Variants in LMTK3 observed in about 807,000 individuals in gnomAD.
LMTK3 encodes the protein lemur tail kinase 3.
LMTK3 carries 27 observed loss-of-function variants against 116.7 expected under a neutral mutation model. The ratio of observed to expected loss-of-function variants is 0.23; its 90% CI spans 0.17 to 0.32. LMTK3 has a LOEUF of 0.32. Ranked by LOEUF, LMTK3 falls within the 10% of genes least tolerant of loss-of-function variation. LMTK3 has a pLI of 1.00. For missense variants in LMTK3, 1,764 were observed against 2,068.5 expected (o/e 0.85, Z 2.86); for synonymous variants, 965 against 971.0 (o/e 0.99, Z 0.11).
chr19:48,489,370 C>T (rs1862688055), intron 14 of LMTK3, among the ~76,000 whole-genome samples: 2 of 152,132 alleles, frequency 1.3e-5, no homozygotes, highest in Non-Finnish European at 2.9e-5. Context: ...GTCTGGAGTT[C>T]AAGACCAGCC....
intron 6 of LMTK3, 63 bp downstream of exon 6, chr19:48,502,845 AG>A: frequency 1.6e-6 from 2 of 1,220,928 alleles, no homozygotes; most frequent in Non-Finnish European, 2.4e-6. Flanking sequence ...CAGGGGCACC[AG>A]GCTTGGCCCC....
intron 14 of LMTK3, among the ~76,000 whole-genome samples, chr19:48,489,371 A>G (rs1972180948): frequency 6.6e-6 from 1 of 152,156 alleles, no homozygotes; most frequent in Non-Finnish European, 1.5e-5. Context: ...TCTGGAGTTC[A>G]AGACCAGCCT....
intron 11 of LMTK3, among the ~76,000 whole-genome samples, chr19:48,496,173 GA>G (rs1972319050): frequency 6.6e-6 from 1 of 151,978 alleles, no homozygotes; most frequent in Admixed American, 6.6e-5. Flanking sequence ...GCAGTGACGT[GA>G]TCTCGGCTCA....
intron 14 of LMTK3, among the ~76,000 whole-genome samples, chr19:48,488,851 T>A (rs926386315): frequency 6.6e-6 from 1 of 151,996 alleles, no homozygotes; most frequent in African/African-American, 2.4e-5. Flanking sequence ...GCGATTCTCC[T>A]GCCTCACCCT....
chr19:48,513,267 G>T, upstream of LMTK3: 3 of 1,079,496 alleles, frequency 2.8e-6, no homozygotes, highest in Non-Finnish European at 2.8e-6. The surrounding 1 kb of genome is among the most constrained non-coding windows in gnomAD (Gnocchi z 5.6). Context: ...ATCGTCCGCA[G>T]CGTTTTACAC....
In LMTK3 at chr19:48,491,580, T is replaced by C; in HGVS notation, c.4093-41A>G. On this transcript the variant is annotated intron_variant, in intron 12 of 14. Coordinates refer to ENST00000600059, the MANE Select transcript of LMTK3 (RefSeq NM_001388485.1). The surrounding 1 kb of genome is among the most constrained non-coding windows in gnomAD (Gnocchi z 5.1). The stretch of plus-strand genomic sequence containing the variant: ...AGGGGGAAGCCAGAGGGGACAAACC[T>C]TCACGTCCCATTTACCGCATCCCCC... The C allele has an allele frequency of 7.7e-7, 1 of 1,306,984 alleles. No homozygotes were observed. The highest frequency in any genetic ancestry group is 9.8e-7 in the Non-Finnish European group (1 of 1,019,022). The allele number at this position is 1,306,984 out of a possible 1,614,324, so 81.0% of individuals were successfully genotyped here. A position where few individuals can be genotyped will look rare whatever the true frequency, so the allele number is the denominator to read the frequency against.
At position 48,498,652 on chromosome 19, in the gene LMTK3, G is replaced by A. The variant is rs930109289; in HGVS notation, c.2417C>T (p.Ala806Val). 21 of 1,541,558 alleles carry A rather than the reference G, an allele frequency of 1.4e-5. No homozygotes were observed. Among genetic ancestry groups the A allele is most frequent in the Non-Finnish European group, 1.6e-5 (18 of 1,144,850 alleles). The change falls in exon 11 of 15, where the codon GCC becomes GTC. Residue 806 changes from alanine (A) to valine (V), a missense_variant. Physicochemically the swap from Ala to Val is moderately conservative, Grantham distance 64. Coordinates refer to ENST00000600059, the MANE Select transcript of LMTK3 (RefSeq NM_001388485.1). The part of the protein sequence containing the change: ...ETETPFSPEG[A>V]FPGGGAAEEE... ...CTCGGCCGCCCCCCCACCTGGGAAG[G>A]CTCCCTCTGGGGAAAAAGGGGTCTC...
At chr19:48,507,751 C>G (rs1210075046) in intron 5 of LMTK3, among the ~76,000 whole-genome samples, 1 of 152,188 alleles carries the variant, frequency 6.6e-6, no homozygotes, top group Non-Finnish European at 1.5e-5. Flanking sequence ...GCCGGGACTA[C>G]ACGAGTATAC....
chr19:48,511,464 G>A (rs1472924125), intron 1 of LMTK3, 37 bp downstream of exon 1: 5 of 995,062 alleles, frequency 5.0e-6, no homozygotes. Context: ...CGCGGGGGTG[G>A]GGGCCACCGG....
intron 3 of LMTK3, 76 bp from the exon 4 acceptor site, chr19:48,509,589 G>A: frequency 8.1e-7 from 1 of 1,240,714 alleles, no homozygotes; most frequent in Non-Finnish European, 1.1e-6. Flanking sequence ...CAGGTCAGTG[G>A]GGACTGAGAC....
intron 5 of LMTK3, 80 bp downstream of exon 5, chr19:48,508,771 G>C (rs1307191265): frequency 9.2e-7 from 1 of 1,082,870 alleles, no homozygotes; most frequent in Non-Finnish European, 1.4e-6. Context: ...GTAGATTCCA[G>C]GTGTGACCCC....
Position 48,486,047 on chromosome 19 carries a change from C to CTTTT in LMTK3, c.4367-262_4367-259dup, listed in dbSNP as rs141193575. On this transcript the variant is annotated intron_variant, in intron 14 of 14. Transcript: ENST00000600059. ...GTTCCCGCTGCCTGGAACATTCTTC[C>CTTTT]TTTTTTTTTTTTTTTTTTTTTTTTT... Among the ~76,000 whole-genome samples, 57 of 59,798 alleles carry CTTTT rather than the reference C, an allele frequency of 9.5e-4. 1 individual carries two copies. The highest frequency in any genetic ancestry group is 1.6e-3 in the African/African-American group (21 of 13,042). 39.2% of individuals were successfully genotyped at this position (59,798 alleles called of 152,430 possible). A position where few individuals can be genotyped will look rare whatever the true frequency, so the allele number is the denominator to read the frequency against.
rs1370970920 is a variant in LMTK3 at position 48,485,799 on chromosome 19, G to A, written c.4367-10C>T. On this transcript the variant is annotated splice_polypyrimidine_tract_variant and intron_variant, in intron 14 of 14. Transcript: ENST00000600059. ...CAATTCTCCACGGGGCCTGAGGATGGACAGAGGAGACAGAGAAATGAAATT... is the reference window on the plus strand; with the variant it reads ...CAATTCTCCACGGGGCCTGAGGATGAACAGAGGAGACAGAGAAATGAAATT... 1.9e-6 allele frequency: 3 copies of A among 1,605,580 alleles called. No individual in the cohort carries two copies. The highest frequency in any genetic ancestry group is 2.2e-5 in the South Asian group (2 of 90,056).
intron 2 of LMTK3, 27 bp from the exon 3 acceptor site, chr19:48,510,200 T>TGG: frequency 6.2e-7 from 1 of 1,602,504 alleles, no homozygotes; most frequent in Non-Finnish European, 8.5e-7. Flanking sequence ...AGAAGAGGGG[T>TGG]GGGAGAACGC....
In LMTK3 at chr19:48,491,260, A is replaced by G. The variant is rs1045963566; in HGVS notation, c.4229-15T>C. The G allele has an allele frequency of 1.4e-6, 2 of 1,395,060 alleles. No individual in the cohort carries two copies. The highest frequency in any genetic ancestry group is 3.5e-5 in the Admixed American group (1 of 28,722). The allele number at this position is 1,395,060 out of a possible 1,614,324, so 86.4% of individuals were successfully genotyped here. A position where few individuals can be genotyped will look rare whatever the true frequency, so the allele number is the denominator to read the frequency against. On this transcript the variant is annotated splice_polypyrimidine_tract_variant and intron_variant, in intron 13 of 14. Coordinates refer to ENST00000600059, the MANE Select transcript of LMTK3 (RefSeq NM_001388485.1). This position sits in a 1 kb window ranked among gnomAD's most constrained non-coding sequence, Gnocchi z 5.1. ...GAAACTGCCTCCTGCGGCAGAAGGA[A>G]AGACCGCGGTCAGGCTGCAGACACC... is the stretch of plus-strand genomic sequence containing the variant.
In LMTK3 at chr19:48,511,601, GA is replaced by G; in HGVS notation, c.-26del. 4 of 1,215,890 alleles carry G rather than the reference GA, an allele frequency of 3.3e-6. No individual in the cohort carries two copies. Among genetic ancestry groups the G allele is most frequent in the Non-Finnish European group, 4.4e-6 (4 of 906,946 alleles). The allele number at this position is 1,215,890 out of a possible 1,614,324, so 75.3% of individuals were successfully genotyped here. On this transcript the variant is annotated 5_prime_UTR_variant, in exon 1 of 15. Transcript: ENST00000600059. ...TCTTGTCGAGGATGGCAGGGAGGTGGAGGTGGTGGCGGCTGGGGAGGAGGGG... is the reference window on the plus strand; with the variant it reads ...TCTTGTCGAGGATGGCAGGGAGGTGGGGTGGTGGCGGCTGGGGAGGAGGGG...
intron 14 of LMTK3, among the ~76,000 whole-genome samples, chr19:48,487,612 C>T (rs1972147737): frequency 6.6e-6 from 1 of 152,162 alleles, no homozygotes; most frequent in Non-Finnish European, 1.5e-5. Context: ...GTGGAAAGAG[C>T]TCTCCCCAGG....
At chr19:48,503,143 G>A (rs1454099797) in intron 5 of LMTK3, 147 bp from the exon 6 acceptor site, 6 of 640,738 alleles carry the variant, frequency 9.4e-6, no homozygotes, top group East Asian at 5.5e-5. Flanking sequence ...TCGCTCTGTC[G>A]CCCAGGCGGG....
intron 7 of LMTK3, among the ~76,000 whole-genome samples, chr19:48,502,110 C>T (rs1037672159): frequency 8.5e-6 from 1 of 118,128 alleles, no homozygotes; most frequent in African/African-American, 3.3e-5. Flanking sequence ...CCTCTCCTGG[C>T]TCCTCCCCTT....
Sources: gnomAD v4.1 joint callset for allele counts (sites outside exome capture counted in the v4.1 genomes callset) on GRCh38, gnomAD v4.1.1 for gene constraint, Gnocchi (gnomAD v3.1) non-coding constraint, MANE v1.5 for transcripts, NCBI Gene and HGNC (gene_info 2026-07-23, HGNC 2026-07-21) for gene names.